The following ANKRD36 variants were observed in gnomAD, a reference collection of about 807,000 sequenced individuals.
ANKRD36 encodes ankyrin repeat domain 36.
A neutral mutation model predicts 278.1 loss-of-function variants in ANKRD36; 179 were observed. That is an observed-to-expected ratio of 0.64 (90% CI 0.57 to 0.73). ANKRD36 has a LOEUF of 0.73. Ranked by LOEUF, ANKRD36 falls within the 30% of genes least tolerant of loss-of-function variation. ANKRD36 has a pLI of 0.00. For synonymous variants in ANKRD36, 320 were observed against 641.1 expected, an observed-to-expected ratio of 0.50 and a Z score of 7.57; for missense variants, 1,159 against 1,956.7, an observed-to-expected ratio of 0.59 and a Z score of 7.69.
intron 6 of ANKRD36, 119 bp from the exon 7 acceptor site, chr2:97,142,521 C>G: frequency 1.3e-6 from 2 of 1,542,826 alleles, no homozygotes; most frequent in South Asian, 1.1e-5. Context: ...AAGTATAAAA[C>G]ATAAAAACCT....
rs199689273 is a variant in ANKRD36 at position 97,243,924 on chromosome 2, A to T, written c.4386A>T (p.Ile1462=). ...AAAAAGTTAGGGAAAAGTTAAGAAT[A>T]ACAGAAGAGCAATATAGGATAGAAG... is the stretch of plus-strand genomic sequence containing the variant. ...VHQKVREKLR[I]TEEQYRIEAD... is the part of the protein sequence containing the mutation. The change falls in exon 70 of 76, where the codon ATA becomes ATT. Residue 1462 remains isoleucine, a synonymous_variant. Transcript: ENST00000420699. The T allele has an allele frequency of 5.9e-6, 9 of 1,533,436 alleles. 1 individual carries two copies. Among genetic ancestry groups the T allele is most frequent in the South Asian group, 1.2e-5 (1 of 82,648 alleles). 95.0% of individuals were successfully genotyped at this position (1,533,436 alleles called of 1,614,324 possible). A position where few individuals can be genotyped will look rare whatever the true frequency, so the allele number is the denominator to read the frequency against.
chr2:97,133,236 G>A (rs1468496747), intron 6 of ANKRD36, among the ~76,000 whole-genome samples: 1 of 151,736 alleles, frequency 6.6e-6, no homozygotes, highest in Non-Finnish European at 1.5e-5. Flanking sequence ...CTATTTGATA[G>A]TGAATAACAT....
chr2:97,204,227 G>C lies in ANKRD36; in HGVS notation c.3025G>C (p.Ala1009Pro). 2 of 1,582,430 alleles carry C rather than the reference G, an allele frequency of 1.3e-6. No homozygotes were observed. The highest frequency in any genetic ancestry group is 8.6e-7 in the Non-Finnish European group (1 of 1,166,370). ...TGAGAAAGATTCTGTTTTGAATATA[G>C]CCAGAGGAAAAAAGGATGGAGAAAA... ...SDEKDSVLNI[A>P]RGKKDGEKTR... is the part of the protein sequence containing the mutation. The change falls in exon 50 of 76, where the codon GCC (alanine) becomes CCC (proline). Residue 1009 changes from alanine (A) to proline (P), a missense_variant. Physicochemically the swap from Ala to Pro is conservative, Grantham distance 27. Coordinates refer to ENST00000420699, the MANE Select transcript of ANKRD36 (RefSeq NM_001354587.1).
At chr2:97,208,664 G>T (rs1488174301) in intron 54 of ANKRD36, among the ~76,000 whole-genome samples, 7 of 146,410 alleles carry the variant, frequency 4.8e-5, no homozygotes, top group African/African-American at 1.3e-4. Context: ...TACTCCTCTT[G>T]GTTACTAGGA....
chr2:97,215,728 G>C (rs2065756372), intron 62 of ANKRD36: 1 of 1,280,262 alleles, frequency 7.8e-7, no homozygotes, highest in Non-Finnish European at 1.1e-6. Flanking sequence ...AAGAGCCATA[G>C]GAGAGCGGTT....
intron 44 of ANKRD36, among the ~76,000 whole-genome samples, chr2:97,199,812 A>G (rs1485220979): frequency 6.6e-6 from 1 of 151,916 alleles, no homozygotes; most frequent in Non-Finnish European, 1.5e-5. Flanking sequence ...AAGGTGATCA[A>G]TTCAGGACAC....
chr2:97,242,293 A>AG (rs1370223533), intron 69 of ANKRD36, among the ~76,000 whole-genome samples: 1 of 151,392 alleles, frequency 6.6e-6, no homozygotes, highest in Non-Finnish European at 1.5e-5. Flanking sequence ...CCTCTCAAAA[A>AG]AAAAAAAAAA....
At chr2:97,155,988 T>A (rs1303089935) in intron 15 of ANKRD36, among the ~76,000 whole-genome samples, 5 of 146,244 alleles carry the variant, frequency 3.4e-5, no homozygotes, top group Non-Finnish European at 7.7e-5. Context: ...ATTTATCTTT[T>A]GTTCTAATGT....
chr2:97,127,746 ATAAAG>A (rs1199786380), intron 6 of ANKRD36, among the ~76,000 whole-genome samples: 1 of 152,006 alleles, frequency 6.6e-6, no homozygotes, highest in Non-Finnish European at 1.5e-5. Flanking sequence ...CCATGGTAAA[ATAAAG>A]TAAATTTACT....
chr2:97,123,200 G>A (rs527686569), intron 4 of ANKRD36, among the ~76,000 whole-genome samples: 10 of 151,518 alleles, frequency 6.6e-5, no homozygotes, highest in East Asian at 5.8e-4. Flanking sequence ...AGCAGGATTC[G>A]TCTCTCTCTA....
intron 46 of ANKRD36, among the ~76,000 whole-genome samples, chr2:97,200,776 G>A (rs1425299244): frequency 1.3e-5 from 2 of 151,898 alleles, no homozygotes; most frequent in South Asian, 2.1e-4. Context: ...GACATAAGGG[G>A]CTCTGGGGCC....
intron 44 of ANKRD36, among the ~76,000 whole-genome samples, chr2:97,199,303 C>G (rs1010550874): frequency 8.6e-5 from 13 of 151,878 alleles, no homozygotes; most frequent in African/African-American, 3.1e-4. Context: ...CACACTGACC[C>G]CTTACTCTTC....
At position 97,206,114 on chromosome 2, in the gene ANKRD36, G is replaced by T. The variant is rs1328054328; in HGVS notation, c.3142G>T (p.Asp1048Tyr). The T allele has an allele frequency of 2.6e-6, 4 of 1,544,168 alleles. No individual in the cohort carries two copies. In the East Asian group the frequency reaches 9.7e-5, roughly 37 times the overall value. The change falls in exon 52 of 76, where the codon GAT becomes TAT. Residue 1048 changes from aspartate (D) to tyrosine (Y), a missense_variant. Coordinates refer to ENST00000420699, the MANE Select transcript of ANKRD36 (RefSeq NM_001354587.1). ...SVLSIARENK[D>Y]GEKSRTVSSE... Reference sequence around the variant, plus strand: ...TTTGAGTATAGCCAGAGAAAACAAGGATGGAGAAAAATCTAGGACAGGTAA... The same window carrying T: ...TTTGAGTATAGCCAGAGAAAACAAGTATGGAGAAAAATCTAGGACAGGTAA...
intron 38 of ANKRD36, among the ~76,000 whole-genome samples, chr2:97,193,465 C>T (rs988516543): frequency 8.3e-6 from 1 of 121,162 alleles, no homozygotes; most frequent in African/African-American, 2.6e-5. Flanking sequence ...TGTAGGAGAA[C>T]TAAGGAGACC....
intron 75 of ANKRD36, among the ~76,000 whole-genome samples, chr2:97,256,322 A>ACTCTACT (rs2076206358): frequency 6.6e-6 from 1 of 151,996 alleles, no homozygotes; most frequent in Non-Finnish European, 1.5e-5. Context: ...GTGCCATTGC[A>ACTCTACT]CTCTACCCTG....
intron 50 of ANKRD36, among the ~76,000 whole-genome samples, 199 bp from the exon 51 acceptor site, chr2:97,205,741 G>C (rs1295997956): frequency 6.6e-6 from 1 of 151,370 alleles, no homozygotes; most frequent in Non-Finnish European, 1.5e-5. Context: ...GAAATTGTAA[G>C]GGTATATTTC....
In ANKRD36 at chr2:97,199,011, C is replaced by T. The variant is rs1266277504; in HGVS notation, c.2755+353C>T. Among the ~76,000 whole-genome samples, 8 of 151,874 alleles carry T rather than the reference C, an allele frequency of 5.3e-5. No homozygotes were observed. In the South Asian group the frequency reaches 6.3e-4, roughly 12 times the overall value. ...AGTATAGAATTTACACACTTCAGCT[C>T]GCACTGCCAAGAAAAGACAGAAAGC... On this transcript the variant is annotated intron_variant, in intron 44 of 75. Transcript: ENST00000420699.
chr2:97,125,783 T>C (rs569733448), intron 5 of ANKRD36, among the ~76,000 whole-genome samples: 78 of 152,080 alleles, frequency 5.1e-4, no homozygotes, highest in African/African-American at 1.9e-3. Context: ...TCGGATTCTA[T>C]TTCACAGGAA....
At chr2:97,208,361 T>A (rs1424947612) in intron 54 of ANKRD36, among the ~76,000 whole-genome samples, 1 of 129,762 alleles carries the variant, frequency 7.7e-6, no homozygotes, top group Admixed American at 7.6e-5. Flanking sequence ...CTTCAGCTCG[T>A]ACTGCCAAGA....
Sources: gnomAD v4.1 joint callset for allele counts (sites outside exome capture counted in the v4.1 genomes callset) on GRCh38, gnomAD v4.1.1 for gene constraint, MANE v1.5 for transcripts, NCBI Gene and HGNC (gene_info 2026-07-23, HGNC 2026-07-21) for gene names.